GSE1: variants seen among roughly 807,000 people sequenced by gnomAD.
GSE1 encodes genetic suppressor element 1.
GSE1 carries 32 observed loss-of-function variants against 112.6 expected under a neutral mutation model. That is an observed-to-expected ratio of 0.28 (90% CI 0.21 to 0.38). The LOEUF (loss-of-function observed/expected upper bound fraction) is 0.38, where lower values mean the gene tolerates loss of function less well. GSE1 is among the 10% of genes least tolerant of loss of function. The pLI, the probability that GSE1 is intolerant of heterozygous loss-of-function variation, is 1.00. For missense variants in GSE1, 2,348 were observed against 1,699.2 expected (o/e 1.38, Z -6.71); for synonymous variants, 1,115 against 735.6 (o/e 1.52, Z -8.35).
chr16:85,604,966 C>T (rs1256928620), intron 1 of GSE1, among the ~76,000 whole-genome samples: 3 of 143,582 alleles, frequency 2.1e-5, no homozygotes, highest in Admixed American at 1.4e-4. Context: ...TACAGGCGCC[C>T]TCCACCACGC....
chr16:85,604,265 T>G (rs1034452866), intron 1 of GSE1, among the ~76,000 whole-genome samples: 1 of 152,224 alleles, frequency 6.6e-6, no homozygotes. Flanking sequence ...GGAATCCCCC[T>G]TGTTTGTCTG....
Position 85,634,143 on chromosome 16 carries a change from CCGCCAGGCTG to C in GSE1, c.226+15_226+24del. On this transcript the variant is annotated intron_variant, in intron 2 of 15. Coordinates refer to ENST00000253458, the MANE Select transcript of GSE1 (RefSeq NM_014615.5). The stretch of plus-strand genomic sequence containing the variant: ...CGGAGGAGCCCAGAGGTAAGGGGGC[CCGCCAGGCTG>C]CGCGTGGGGGGAGCGGCGGCTCCCG... 1 of 1,446,168 alleles carries C rather than the reference CCGCCAGGCTG, an allele frequency of 6.9e-7. No homozygotes were observed. Among genetic ancestry groups the C allele is most frequent in the Non-Finnish European group, 9.0e-7 (1 of 1,107,064 alleles). The allele number at this position is 1,446,168 out of a possible 1,614,324, so 89.6% of individuals were successfully genotyped here.
chr16:85,651,797 G>C (rs1055184785), intron 3 of GSE1, among the ~76,000 whole-genome samples: 3 of 152,190 alleles, frequency 2.0e-5, no homozygotes, highest in African/African-American at 4.8e-5. Flanking sequence ...CAGGTACCCC[G>C]GGTGCCTGAG....
intron 1 of GSE1, among the ~76,000 whole-genome samples, chr16:85,293,412 G>A (rs754754100): frequency 2.6e-5 from 4 of 152,114 alleles, no homozygotes; most frequent in Admixed American, 6.6e-5. Context: ...TGGGCGTGGT[G>A]GTGTGTGCCC....
At chr16:85,283,711 G>A (rs953135719) in intron 1 of GSE1, among the ~76,000 whole-genome samples, 5 of 152,232 alleles carry the variant, frequency 3.3e-5, no homozygotes, top group African/African-American at 7.2e-5. Flanking sequence ...ATTTATGGCT[G>A]TTGATTCTGC....
intron 1 of GSE1, among the ~76,000 whole-genome samples, chr16:85,620,897 T>G (rs2048692023): frequency 6.6e-6 from 1 of 151,660 alleles, no homozygotes; most frequent in Non-Finnish European, 1.5e-5. Context: ...GTCTCGGCCC[T>G]GGGTCTCTGC....
At chr16:85,482,988 A>ACAAAAC (rs796622930) in intron 2 of GSE1, among the ~76,000 whole-genome samples, 5,041 of 150,674 alleles carry the variant, frequency 0.033, 348 homozygotes, top group African/African-American at 0.12. Flanking sequence ...AAAAAAAAAA[A>ACAAAAC]AAAAAAAAAT....
chr16:85,434,711 G>A (rs1401505066), intron 2 of GSE1, among the ~76,000 whole-genome samples: 1 of 152,220 alleles, frequency 6.6e-6, no homozygotes, highest in Non-Finnish European at 1.5e-5. Context: ...CCAGCTACCG[G>A]GGAGGCTGAG....
intron 2 of GSE1, among the ~76,000 whole-genome samples, chr16:85,364,520 C>T (rs772096844): frequency 5.3e-5 from 8 of 152,214 alleles, no homozygotes; most frequent in Non-Finnish European, 8.8e-5. Flanking sequence ...CAGGCACCCC[C>T]GGTGCCGTAA....
chr16:85,613,438 C>G (rs572620021), intron 1 of GSE1, 40 bp downstream of exon 1: 3 of 1,521,802 alleles, frequency 2.0e-6, no homozygotes, highest in Non-Finnish European at 2.7e-6. Flanking sequence ...GGTCCTCCCC[C>G]CTCCCCCCAC....
intron 1 of GSE1, among the ~76,000 whole-genome samples, chr16:85,598,167 GTTTTTTTTT>G (rs973836177): frequency 1.4e-5 from 1 of 71,546 alleles, no homozygotes; most frequent in African/African-American, 5.4e-5. Context: ...AGGTTTGGTT[GTTTTTTTTT>G]TTTTTTTTTT....
In GSE1 at chr16:85,675,831, A is replaced by C. The variant is rs542231406; in HGVS notation, c.*3292A>C. The C allele has an allele frequency of 1.3e-5, 2 of 152,348 alleles. No homozygotes were observed. The highest frequency in any genetic ancestry group is 3.9e-4 in the East Asian group (2 of 5,194). 9.4% of individuals were successfully genotyped at this position (152,348 alleles called of 1,614,324 possible). A position where few individuals can be genotyped will look rare whatever the true frequency, so the allele number is the denominator to read the frequency against. Reference sequence around the variant, plus strand: ...CACTTAGCAATCTCTATATTCTTTCAAGTAACCAAGCTGTTGACTTTCTTA... The same window carrying C: ...CACTTAGCAATCTCTATATTCTTTCCAGTAACCAAGCTGTTGACTTTCTTA... On this transcript the variant is annotated 3_prime_UTR_variant, in exon 16 of 16. Coordinates refer to ENST00000253458, the MANE Select transcript of GSE1 (RefSeq NM_014615.5).
intron 2 of GSE1, among the ~76,000 whole-genome samples, chr16:85,518,821 C>T (rs148672992): frequency 5.6e-4 from 86 of 152,254 alleles, no homozygotes; most frequent in African/African-American, 2.0e-3. Context: ...TGACACCTGG[C>T]ACTGTGAGAT....
chr16:85,463,040 C>T lies in GSE1; in HGVS notation c.2464+105397C>T, dbSNP rs997464944. 2.3e-5 allele frequency: 22 copies of T among 969,488 alleles called. No individual in the cohort carries two copies. The African/African-American group carries it at 3.9e-4, about 17-fold the overall frequency. 60.1% of individuals were successfully genotyped at this position (969,488 alleles called of 1,614,324 possible). On this transcript the variant is annotated intron_variant, in intron 2 of 2. Transcript: ENST00000637419. ...CGCCGCGGGCCATGCTGGGCAGCCC[C>T]TCCTAGAGGCCCCGGGTCCCGCGGC...
chr16:85,350,577 C>T (rs1597460223), intron 1 of GSE1, among the ~76,000 whole-genome samples: 3 of 152,030 alleles, frequency 2.0e-5, no homozygotes, highest in South Asian at 2.1e-4. Context: ...AAGGCCAAGA[C>T]GCCTTCCCCA....
chr16:85,555,784 A>T, upstream of GSE1: 1 of 966,242 alleles, frequency 1.0e-6, no homozygotes, highest in Non-Finnish European at 1.2e-6. Flanking sequence ...AGAGATTGCT[A>T]CTCGCACGTC....
chr16:85,429,433 C>A (rs982229383), intron 2 of GSE1, among the ~76,000 whole-genome samples: 1 of 152,226 alleles, frequency 6.6e-6, no homozygotes, highest in African/African-American at 2.4e-5. Flanking sequence ...GAACCAAGGA[C>A]GGGGGCTCTG....
intron 2 of GSE1, among the ~76,000 whole-genome samples, chr16:85,485,568 G>GCCT (rs938493074): frequency 2.6e-5 from 4 of 152,224 alleles, no homozygotes; most frequent in Non-Finnish European, 5.9e-5. Flanking sequence ...TGCCGCCGCC[G>GCCT]CCGCGTTAAG....
At chr16:85,639,866 G>A (rs565111941) in intron 2 of GSE1, among the ~76,000 whole-genome samples, 86 of 152,348 alleles carry the variant, frequency 5.6e-4, no homozygotes, top group African/African-American at 1.9e-3. Context: ...CGCAGCGCCC[G>A]TCTGCCAAGG....
Sources: gnomAD v4.1 joint callset for allele counts (sites outside exome capture counted in the v4.1 genomes callset) on GRCh38, gnomAD v4.1.1 for gene constraint, MANE v1.5 for transcripts, NCBI Gene and HGNC (gene_info 2026-07-23, HGNC 2026-07-21) for gene names.